VPS9D1: variants seen among roughly 807,000 people sequenced by gnomAD.
VPS9D1 encodes VPS9 domain containing 1.
In VPS9D1, 78 loss-of-function variants were observed where a neutral mutation model predicts 75.8. That is an observed-to-expected ratio of 1.03 (90% CI 0.86 to 1.24). The LOEUF is 1.24. Among genes scored for constraint, VPS9D1 ranks in the 50% most tolerant of loss-of-function variants. VPS9D1 has a pLI of 0.00. For synonymous variants in VPS9D1, 481 were observed against 385.6 expected, an observed-to-expected ratio of 1.25 and a Z score of -2.90; for missense variants, 1,057 against 847.7, an observed-to-expected ratio of 1.25 and a Z score of -3.07.
intron 2 of VPS9D1, 144 bp downstream of exon 2, chr16:89,718,880 ATTT>A: frequency 1.5e-6 from 1 of 655,138 alleles, no homozygotes. Flanking sequence ...GGCCCAGCTG[ATTT>A]TTTAGATTTT....
chr16:89,712,725 G>T lies in VPS9D1; in HGVS notation c.432-9C>A, dbSNP rs369204957. ...CCAGTGGCGTCAGCTCTCTGGAAAT[G>T]TGACAAGCTGCTGTCTAGACCCCAG... On this transcript the variant is annotated splice_polypyrimidine_tract_variant and intron_variant, in intron 4 of 14. Transcript: ENST00000389386. The T allele has an allele frequency of 3.2e-6, 5 of 1,574,500 alleles. No individual in the cohort carries two copies. Among genetic ancestry groups the T allele is most frequent in the Non-Finnish European group, 3.4e-6 (4 of 1,162,030 alleles).
chr16:89,712,431 G>A (rs773494809), intron 6 of VPS9D1, 29 bp downstream of exon 6: 2 of 1,611,324 alleles, frequency 1.2e-6, no homozygotes, highest in South Asian at 2.2e-5. Flanking sequence ...TTTCCCCTCG[G>A]GGACCACCAG....
At chr16:89,709,019 T>TCCC in intron 12 of VPS9D1, 63 bp from the exon 13 acceptor site, 1 of 1,290,652 alleles carries the variant, frequency 7.7e-7, no homozygotes. Flanking sequence ...CCACCCCTTA[T>TCCC]ACCCCGCCCA....
In VPS9D1 at chr16:89,716,592, C is replaced by A; in HGVS notation, c.301G>T (p.Ala101Ser). 1 of 1,613,862 alleles carries A rather than the reference C, an allele frequency of 6.2e-7. No homozygotes were observed. Residue 101 changes from alanine to serine, a missense_variant, in exon 4 of 15, where the codon GCT becomes TCT. Ala to Ser is a moderately conservative substitution (Grantham distance 99). Transcript: ENST00000389386. ...CCGGCAGGCTGGGGAATGGGAGCAG[C>A]TGCAGGCATGGTTGGCTTCAGGCGT... ...KTRLKPTMPA[A>S]APIPQPAGRH...
intron 1 of VPS9D1, chr16:89,719,308 AG>A (rs1239225492): frequency 7.8e-6 from 5 of 640,346 alleles, no homozygotes; most frequent in Non-Finnish European, 1.4e-5. Context: ...GCTGCTCTCC[AG>A]ACTTGGAAAA....
intron 5 of VPS9D1, 26 bp from the exon 6 acceptor site, chr16:89,712,548 C>T (rs772515457): frequency 1.2e-5 from 19 of 1,610,844 alleles, no homozygotes; most frequent in Non-Finnish European, 1.4e-5. Context: ...GGAGTAAGGC[C>T]GACTCCCCTC....
rs888665371 is a variant in VPS9D1 at position 89,710,732 on chromosome 16, G to A, written c.1112C>T (p.Ser371Phe). 7.5e-6 allele frequency: 12 copies of A among 1,590,518 alleles called. No homozygotes were observed. Among genetic ancestry groups the A allele is most frequent in the Non-Finnish European group, 9.4e-6 (11 of 1,168,886 alleles). ...GSPSPLGDTA[S>F]GLPDKDSSFE... ...CGAGCTGTCCTTGTCTGGCAATCCA[G>A]ATGCGGTGTCCCCCAGGGGTGAGGG... The change falls in exon 10 of 15, where the codon TCT (serine) becomes TTT (phenylalanine). Residue 371 changes from serine (S) to phenylalanine (F), a missense_variant. Transcript: ENST00000389386.
chr16:89,717,477 C>G (rs2061101892), intron 2 of VPS9D1: 2 of 442,654 alleles, frequency 4.5e-6, no homozygotes, highest in African/African-American at 2.0e-5. Context: ...CGACCATGGA[C>G]CTGCTCACAC....
At chr16:89,719,465 A>T in intron 1 of VPS9D1, 1 of 423,028 alleles carries the variant, frequency 2.4e-6, no homozygotes, top group South Asian at 1.7e-5. Flanking sequence ...GTCATTTTTC[A>T]TTCTATGCAA....
At chr16:89,718,666 G>A (rs2061151887) in intron 2 of VPS9D1, among the ~76,000 whole-genome samples, 1 of 152,000 alleles carries the variant, frequency 6.6e-6, no homozygotes, top group African/African-American at 2.4e-5. Flanking sequence ...CCCACAATTT[G>A]TCCAGCATGG....
At chr16:89,716,678 G>A in intron 3 of VPS9D1, 52 bp downstream of exon 3, 1 of 1,600,374 alleles carries the variant, frequency 6.2e-7, no homozygotes, top group South Asian at 1.1e-5. Flanking sequence ...CCACAGAGGA[G>A]ATGCGGGCTT....
At chr16:89,713,723 T>G (rs1597918088) in intron 4 of VPS9D1, among the ~76,000 whole-genome samples, 1 of 151,244 alleles carries the variant, frequency 6.6e-6, no homozygotes, top group East Asian at 2.0e-4. Flanking sequence ...AAAACATCAC[T>G]GAGGGCTGGG....
chr16:89,710,954 C>T lies in VPS9D1; in HGVS notation c.890G>A (p.Ser297Asn). The T allele has an allele frequency of 6.8e-7, 1 of 1,466,596 alleles. No homozygotes were observed. The highest frequency in any genetic ancestry group is 9.0e-7 in the Non-Finnish European group (1 of 1,114,094). The allele number at this position is 1,466,596 out of a possible 1,614,324, so 90.8% of individuals were successfully genotyped here. A position where few individuals can be genotyped will look rare whatever the true frequency, so the allele number is the denominator to read the frequency against. ...LLRRLQCSVY[S>N]ALYPAVSRAA... ...TCTGCTCACGGCGGGATACAGGGCG[C>T]TGTACACGGAGCACTGCAGCCGCCT... The change falls in exon 10 of 15, where the codon AGC (serine) becomes AAC (asparagine). Residue 297 changes from serine to asparagine, a missense_variant. Transcript: ENST00000389386.
chr16:89,717,383 C>T, intron 2 of VPS9D1: 2 of 370,500 alleles, frequency 5.4e-6, no homozygotes, highest in Non-Finnish European at 1.1e-5. Context: ...CAAGGACGTG[C>T]TGAGGGGATC....
At position 89,716,445 on chromosome 16, in the gene VPS9D1, C is replaced by T. The variant is rs2151636520; in HGVS notation, c.431+17G>A. On this transcript the variant is annotated intron_variant, in intron 4 of 14. Coordinates refer to ENST00000389386, the MANE Select transcript of VPS9D1 (RefSeq NM_004913.3). ...CCAATCCCAGGCTCATCCCACCTCC[C>T]ATCTTGTCCATCTTACTTCTTACAG... 1.2e-6 allele frequency: 2 copies of T among 1,613,722 alleles called. No homozygotes were observed. The highest frequency in any genetic ancestry group is 2.2e-5 in the South Asian group (2 of 91,024).
chr16:89,712,710 C>T lies in VPS9D1; in HGVS notation c.438G>A (p.Leu146=). ...GCAGGGAGGCCTCCTCCAGTGGCGT[C>T]AGCTCTCTGGAAATGTGACAAGCTG... ...GAESQSCKKE[L]TPLEEASLQN... is the part of the protein sequence containing the mutation. The change falls in exon 5 of 15, where the codon CTG becomes CTA. Residue 146 remains leucine (L), a synonymous_variant. Transcript: ENST00000389386. The T allele has an allele frequency of 1.3e-6, 2 of 1,598,812 alleles. No homozygotes were observed. Among genetic ancestry groups the T allele is most frequent in the African/African-American group, 1.4e-5 (1 of 73,508 alleles).
chr16:89,720,124 C>T (rs1019745273), intron 1 of VPS9D1, among the ~76,000 whole-genome samples: 3 of 152,290 alleles, frequency 2.0e-5, no homozygotes, highest in Non-Finnish European at 4.4e-5. Flanking sequence ...TTCTGACTTG[C>T]GGGGGCACCT....
intron 2 of VPS9D1, chr16:89,717,775 G>A: frequency 4.4e-6 from 2 of 456,678 alleles, no homozygotes; most frequent in South Asian, 3.1e-5. Context: ...TGGAGCGCCA[G>A]AGCTCAGCCG....
chr16:89,716,317 G>C (rs962636806), intron 4 of VPS9D1, 145 bp downstream of exon 4: 3 of 1,251,864 alleles, frequency 2.4e-6, no homozygotes, highest in African/African-American at 3.0e-5. Flanking sequence ...CGTGAGCCAA[G>C]ATTGAGCCGC....
Sources: gnomAD v4.1 joint callset for allele counts (sites outside exome capture counted in the v4.1 genomes callset) on GRCh38, gnomAD v4.1.1 for gene constraint, MANE v1.5 for transcripts, NCBI Gene and HGNC (gene_info 2026-07-23, HGNC 2026-07-21) for gene names.